The following ARHGAP17 variants were observed in gnomAD, a reference collection of about 807,000 sequenced individuals.
ARHGAP17 encodes the protein Rho GTPase activating protein 17, also known as rho GTPase-activating protein 17.
Under a neutral mutation model 99.5 loss-of-function variants are expected in ARHGAP17, and 57 were observed. That is an observed-to-expected ratio of 0.57 (90% CI 0.46 to 0.71). The LOEUF (loss-of-function observed/expected upper bound fraction) is 0.71. ARHGAP17 is among the 30% of genes least tolerant of loss of function. The pLI is 0.00. For missense variants in ARHGAP17, 1,000 were observed against 1,122.4 expected, an observed-to-expected ratio of 0.89 and a Z score of 1.56; for synonymous variants, 417 against 429.6, an observed-to-expected ratio of 0.97 and a Z score of 0.36.
intron 14 of ARHGAP17, among the ~76,000 whole-genome samples, chr16:24,944,772 G>A (rs911382966): frequency 1.3e-5 from 2 of 151,668 alleles, no homozygotes; most frequent in Non-Finnish European, 1.5e-5. Context: ...ACCTGCCACC[G>A]CGCCCAGCTA....
At chr16:24,981,006 T>G (rs187765517) in intron 1 of ARHGAP17, among the ~76,000 whole-genome samples, 2 of 152,322 alleles carry the variant, frequency 1.3e-5, no homozygotes, top group Non-Finnish European at 2.9e-5. Flanking sequence ...AGCAAATTAT[T>G]TTTTAAAAAA....
chr16:25,002,671 C>A (rs1373106114), intron 1 of ARHGAP17, among the ~76,000 whole-genome samples: 2 of 152,138 alleles, frequency 1.3e-5, no homozygotes, highest in African/African-American at 4.8e-5. Context: ...GTATTTTAGT[C>A]CTGCTATGTT....
chr16:24,928,088 T>C (rs529883321), intron 19 of ARHGAP17, among the ~76,000 whole-genome samples: 2 of 152,374 alleles, frequency 1.3e-5, no homozygotes, highest in East Asian at 1.9e-4. Flanking sequence ...GAAAACATTA[T>C]GTCATAATAA....
intron 1 of ARHGAP17, among the ~76,000 whole-genome samples, chr16:25,001,753 C>T (rs1426225055): frequency 6.6e-6 from 1 of 151,898 alleles, no homozygotes; most frequent in Non-Finnish European, 1.5e-5. Flanking sequence ...CAGCTCTACC[C>T]AATTTAAAAC....
At chr16:24,961,973 T>TTTTTG (rs140273106) in intron 7 of ARHGAP17, among the ~76,000 whole-genome samples, 3 of 58,914 alleles carry the variant, frequency 5.1e-5, no homozygotes, top group African/African-American at 2.2e-4. Flanking sequence ...AGAGAGTTTG[T>TTTTTG]TTTTTTTTTA....
chr16:24,932,666 C>T (rs771660869), intron 18 of ARHGAP17, among the ~76,000 whole-genome samples: 5 of 152,012 alleles, frequency 3.3e-5, no homozygotes, highest in Non-Finnish European at 7.4e-5. Flanking sequence ...GGAAGAGTTG[C>T]CTTAGAATTA....
chr16:25,013,580 C>T (rs1051433079), intron 1 of ARHGAP17, among the ~76,000 whole-genome samples: 1 of 151,714 alleles, frequency 6.6e-6, no homozygotes, highest in Non-Finnish European at 1.5e-5. Context: ...CAAGATCGCA[C>T]CACTGCACCC....
At chr16:24,939,779 G>A (rs2051261316) in intron 16 of ARHGAP17, 182 bp from the exon 17 acceptor site, 2 of 653,140 alleles carry the variant, frequency 3.1e-6, no homozygotes, top group Middle Eastern at 3.1e-4. Flanking sequence ...CTTCAAGCCT[G>A]AGCAAAGCCA....
At chr16:25,014,926 G>T (rs1287131365) in intron 1 of ARHGAP17, among the ~76,000 whole-genome samples, 1 of 152,198 alleles carries the variant, frequency 6.6e-6, no homozygotes, top group African/African-American at 2.4e-5. Flanking sequence ...TGCTCCCGGG[G>T]CAGGGACAAT....
chr16:24,991,337 T>C (rs1460556659), intron 1 of ARHGAP17, among the ~76,000 whole-genome samples: 1 of 152,136 alleles, frequency 6.6e-6, no homozygotes, highest in East Asian at 1.9e-4. Flanking sequence ...GTTCATGGAG[T>C]GTTAGCTGTT....
At chr16:24,997,245 C>T (rs2053221475) in intron 1 of ARHGAP17, among the ~76,000 whole-genome samples, 1 of 151,744 alleles carries the variant, frequency 6.6e-6, no homozygotes, top group Non-Finnish European at 1.5e-5. Context: ...ATCATTATCA[C>T]CTGGACTGGT....
At chr16:24,954,920 G>T in intron 9 of ARHGAP17, 190 bp from the exon 10 acceptor site, 2 of 777,292 alleles carry the variant, frequency 2.6e-6, no homozygotes, top group Non-Finnish European at 3.9e-6. Context: ...CCAGGCTGGG[G>T]CGGTTACTTG....
chr16:25,012,453 T>C (rs1286924686), intron 1 of ARHGAP17, among the ~76,000 whole-genome samples: 2 of 152,150 alleles, frequency 1.3e-5, no homozygotes, highest in South Asian at 2.1e-4. Context: ...CAAAACACGA[T>C]GGGCATGACA....
chr16:25,005,773 T>G (rs2053488935), intron 1 of ARHGAP17, among the ~76,000 whole-genome samples: 1 of 152,202 alleles, frequency 6.6e-6, no homozygotes, highest in Non-Finnish European at 1.5e-5. Flanking sequence ...TGGAAAAAAT[T>G]TAAATAGATA....
intron 1 of ARHGAP17, among the ~76,000 whole-genome samples, chr16:25,013,621 CAA>C (rs779178782): frequency 1.3e-4 from 16 of 120,842 alleles, no homozygotes; most frequent in Non-Finnish European, 1.1e-4. Context: ...GACCCTGTCT[CAA>C]AAAAAAAAAA....
At chr16:24,920,395 C>G in intron 19 of ARHGAP17, 135 bp from the exon 20 acceptor site, 1 of 1,061,492 alleles carries the variant, frequency 9.4e-7, no homozygotes, top group Non-Finnish European at 1.4e-6. Context: ...TGCGAGAGGC[C>G]TCATCAGCTC....
intron 18 of ARHGAP17, among the ~76,000 whole-genome samples, chr16:24,934,068 C>T (rs2051068933): frequency 6.6e-6 from 1 of 152,174 alleles, no homozygotes; most frequent in Admixed American, 6.5e-5. Flanking sequence ...TCGGATTTGC[C>T]TCCCTGCCTA....
At chr16:24,934,933 A>G (rs1292635849) in intron 18 of ARHGAP17, among the ~76,000 whole-genome samples, 1 of 152,202 alleles carries the variant, frequency 6.6e-6, no homozygotes, top group African/African-American at 2.4e-5. Flanking sequence ...AGGCCCCACC[A>G]AAGCACAGAG....
chr16:25,001,503 G>C (rs1036899732), intron 1 of ARHGAP17, among the ~76,000 whole-genome samples: 4 of 152,096 alleles, frequency 2.6e-5, no homozygotes, highest in African/African-American at 9.7e-5. Context: ...CTAGAAACTA[G>C]AGAAGATGAG....
Sources: allele counts gnomAD v4.1 joint callset (sites outside exome capture counted in the v4.1 genomes callset), GRCh38; gene constraint gnomAD v4.1.1; transcripts MANE v1.5; gene names NCBI Gene and HGNC (gene_info 2026-07-23, HGNC 2026-07-21).